Variants in CSMD1 observed in about 807,000 individuals in gnomAD.
The protein encoded by CSMD1 is CUB and sushi domain-containing protein 1.
CSMD1 carries 213 observed loss-of-function variants against 417.5 expected under a neutral mutation model. The observed-to-expected ratio is 0.51, with a 90% CI of 0.46 to 0.57. The LOEUF is 0.57. Among genes scored for constraint, CSMD1 ranks in the 20% least tolerant of loss-of-function variants. The pLI is 0.00. For missense variants in CSMD1, 6,923 were observed against 4,529.7 expected (o/e 1.53, Z -15.17); for synonymous variants, 2,862 against 1,736.8 (o/e 1.65, Z -16.11).
At position 3,536,785 on chromosome 8, in the gene CSMD1, T is replaced by G. The variant is rs117391877; in HGVS notation, c.1344+38160A>C. Among the ~76,000 whole-genome samples the G allele has an allele frequency of 5.5e-3, 833 of 152,262 alleles. 8 individuals are homozygous for G. Among genetic ancestry groups the G allele is most frequent in the Middle Eastern group, 0.01 (3 of 294 alleles). On this transcript the variant is annotated intron_variant, in intron 10 of 69. Transcript: ENST00000635120. ...ATTGTGTGGAAGGGACTAAGTCATC[T>G]CTTCAGCACCGGGAATGCTGTTAGG...
At chr8:4,275,232 T>C (rs2128855062) in intron 3 of CSMD1, among the ~76,000 whole-genome samples, 1 of 152,300 alleles carries the variant, frequency 6.6e-6, no homozygotes. Flanking sequence ...TTATTGATTT[T>C]TTTACAAATA....
intron 30 of CSMD1, among the ~76,000 whole-genome samples, chr8:3,210,849 A>C (rs1025929742): frequency 6.6e-6 from 1 of 152,036 alleles, no homozygotes; most frequent in African/African-American, 2.4e-5. Flanking sequence ...ATATAAATTA[A>C]ATGCCTTTTG....
intron 5 of CSMD1, among the ~76,000 whole-genome samples, chr8:3,923,746 C>A (rs995939241): frequency 1.3e-5 from 2 of 152,052 alleles, no homozygotes; most frequent in African/African-American, 2.4e-5. Flanking sequence ...AACTTTATAC[C>A]CTTTGACAAA....
At chr8:4,187,600 C>G (rs1798759554) in intron 3 of CSMD1, among the ~76,000 whole-genome samples, 1 of 139,918 alleles carries the variant, frequency 7.1e-6, no homozygotes, top group African/African-American at 2.7e-5. Flanking sequence ...CGCTTGAACC[C>G]AGGATGTGGA....
In CSMD1 at chr8:3,881,970, C is replaced by T. The variant is rs571547000; in HGVS notation, c.818+115933G>A. 2.6e-5 allele frequency among the ~76,000 whole-genome samples: 4 copies of T among 152,142 alleles called. No individual in the cohort carries two copies. In the East Asian group the frequency reaches 7.7e-4, roughly 29 times the overall value. On this transcript the variant is annotated intron_variant, in intron 5 of 69. Coordinates refer to ENST00000635120, the MANE Select transcript of CSMD1 (RefSeq NM_033225.6). ...ACAGATCTGAACTTGAAAGATGAAA[C>T]AAATTTCCAATAACCAATCACGAGA...
At chr8:4,397,521 C>CTTTTTTTTTTTTTTTTTTTTTTTTTTT (rs1804326244) in intron 3 of CSMD1, among the ~76,000 whole-genome samples, 1 of 120,142 alleles carries the variant, frequency 8.3e-6, no homozygotes, top group African/African-American at 3.2e-5. Context: ...AAGCCTGAGA[C>CTTTTTTTTTTTTTTTTTTTTTTTTTTT]TCTTTTTTTT....
chr8:3,676,337 G>A (rs368733584), intron 7 of CSMD1, among the ~76,000 whole-genome samples: 2 of 152,150 alleles, frequency 1.3e-5, no homozygotes, highest in African/African-American at 4.8e-5. Flanking sequence ...AGCAGGTGGA[G>A]GTGGGTGGCC....
At chr8:3,658,464 G>GTATATATATATATATATATATATATATA (rs113956125) in intron 7 of CSMD1, among the ~76,000 whole-genome samples, 24 of 144,172 alleles carry the variant, frequency 1.7e-4, no homozygotes, top group Non-Finnish European at 3.0e-4. Flanking sequence ...TATATATATT[G>GTATATATATATATATATATATATATATA]TGTATATATA....
chr8:4,357,814 A>G (rs1801515102), intron 3 of CSMD1, among the ~76,000 whole-genome samples: 1 of 152,168 alleles, frequency 6.6e-6, no homozygotes, highest in Admixed American at 6.6e-5. Flanking sequence ...AAATACCAAA[A>G]TAGTATTACA....
At chr8:3,950,808 T>A (rs2554515) in intron 5 of CSMD1, among the ~76,000 whole-genome samples, 1 of 152,066 alleles carries the variant, frequency 6.6e-6, no homozygotes, top group Non-Finnish European at 1.5e-5. Context: ...TCGGTCATAA[T>A]AGGTTTAGTA....
chr8:4,588,244 C>G (rs1317229333), intron 2 of CSMD1, among the ~76,000 whole-genome samples: 2 of 151,732 alleles, frequency 1.3e-5, no homozygotes, highest in Admixed American at 1.3e-4. Flanking sequence ...ACTCAATGGC[C>G]GTCAGAAGAC....
At chr8:3,803,832 T>A (rs530963495) in intron 5 of CSMD1, among the ~76,000 whole-genome samples, 1 of 152,300 alleles carries the variant, frequency 6.6e-6, no homozygotes, top group South Asian at 2.1e-4. Context: ...GTAGACACCT[T>A]AATAAACATG....
chr8:4,503,913 T>G (rs568049907), intron 2 of CSMD1, among the ~76,000 whole-genome samples: 1 of 147,912 alleles, frequency 6.8e-6, no homozygotes, highest in East Asian at 2.0e-4. Context: ...GCTTCAAAAT[T>G]AAACCGAGGT....
At chr8:3,300,422 T>C (rs12543442) in intron 25 of CSMD1, among the ~76,000 whole-genome samples, 22,350 of 151,894 alleles carry the variant, frequency 0.15, 1,705 homozygotes, top group Admixed American at 0.2. Flanking sequence ...CCATAAACCA[T>C]GCCAAAGAGC....
chr8:4,885,174 T>G (rs1488140886), intron 1 of CSMD1, among the ~76,000 whole-genome samples: 1 of 152,118 alleles, frequency 6.6e-6, no homozygotes, highest in Non-Finnish European at 1.5e-5. Context: ...TTTGTCTACT[T>G]TATCTGGTAA....
At chr8:3,870,666 C>T (rs1286540010) in intron 5 of CSMD1, among the ~76,000 whole-genome samples, 1 of 151,914 alleles carries the variant, frequency 6.6e-6, no homozygotes, top group African/African-American at 2.4e-5. Flanking sequence ...TTTTATTTAC[C>T]TGAATATTAG....
intron 7 of CSMD1, among the ~76,000 whole-genome samples, chr8:3,691,533 C>G (rs1227725490): frequency 6.6e-6 from 1 of 152,162 alleles, no homozygotes; most frequent in Non-Finnish European, 1.5e-5. Flanking sequence ...GGAGGAAGCT[C>G]AGGACCTACC....
intron 3 of CSMD1, among the ~76,000 whole-genome samples, chr8:4,157,593 T>A (rs567209655): frequency 6.6e-6 from 1 of 152,288 alleles, no homozygotes; most frequent in East Asian, 1.9e-4. Flanking sequence ...CTGCCGGTCA[T>A]GTAACAAATG....
At chr8:3,326,148 C>T (rs959598017) in intron 23 of CSMD1, among the ~76,000 whole-genome samples, 1 of 152,174 alleles carries the variant, frequency 6.6e-6, no homozygotes, top group East Asian at 1.9e-4. Context: ...TTCAGTGGGA[C>T]GTTCGACAAC....
Sources: allele counts gnomAD v4.1 joint callset (sites outside exome capture counted in the v4.1 genomes callset), GRCh38; gene constraint gnomAD v4.1.1; transcripts MANE v1.5; gene names NCBI Gene and HGNC (gene_info 2026-07-23, HGNC 2026-07-21).